PRKD1: variants seen among roughly 807,000 people sequenced by gnomAD.
The protein encoded by PRKD1 is serine/threonine-protein kinase D1.
Under a neutral mutation model 95.9 loss-of-function variants are expected in PRKD1, and 63 were observed. The ratio of observed to expected loss-of-function variants is 0.66; its 90% confidence interval spans 0.54 to 0.81. The LOEUF is 0.81. Ranked by LOEUF, PRKD1 falls within the 30% of genes least tolerant of loss-of-function variation. The probability of loss-of-function intolerance (pLI) is 0.00; values close to 1 mark genes in which losing one functional copy is unlikely to be tolerated. For missense variants in PRKD1, 1,048 were observed against 1,165.3 expected, an observed-to-expected ratio of 0.90 and a Z score of 1.47; for synonymous variants, 425 against 423.1, an observed-to-expected ratio of 1.00 and a Z score of -0.05.
chr14:29,805,903 C>T (rs1316545568), intron 1 of PRKD1, among the ~76,000 whole-genome samples: 1 of 152,084 alleles, frequency 6.6e-6, no homozygotes, highest in East Asian at 1.9e-4. Context: ...GAGAAGAAAA[C>T]TTAAGTTATG....
intron 11 of PRKD1, among the ~76,000 whole-genome samples, chr14:29,627,922 G>T (rs1879731617): frequency 6.6e-6 from 1 of 152,150 alleles, no homozygotes; most frequent in Non-Finnish European, 1.5e-5. Context: ...TAAGAGAAGT[G>T]TTCTTTAGGC....
intron 9 of PRKD1, 137 bp from the exon 10 acceptor site, chr14:29,631,158 A>G: frequency 1.2e-6 from 1 of 864,132 alleles, no homozygotes; most frequent in Non-Finnish European, 1.7e-6. Context: ...ACTATAAAAC[A>G]CAGAATACTG....
chr14:29,814,396 G>A (rs553587612), intron 1 of PRKD1, among the ~76,000 whole-genome samples: 7 of 152,290 alleles, frequency 4.6e-5, no homozygotes, highest in South Asian at 2.1e-4. Context: ...AGGCAGGAGC[G>A]CAGTGCTGGC....
At chr14:29,714,564 T>A (rs2972695) in intron 2 of PRKD1, among the ~76,000 whole-genome samples, 7,510 of 152,224 alleles carry the variant, frequency 0.049, 222 homozygotes, top group East Asian at 0.094. Flanking sequence ...TCCTCAAGGA[T>A]CTAGAACTAG....
rs571079238 is a variant in PRKD1, at chr14:29,774,739, G to A, written c.265-49065C>T. On this transcript the variant is annotated intron_variant, in intron 1 of 17. Transcript: ENST00000331968. The stretch of plus-strand genomic sequence containing the variant: ...AAAGAGGAGGAAACTATGCTTTGGG[G>A]AAATGAAGTACCTTATTCATGGTCA... Among the ~76,000 whole-genome samples the A allele has an allele frequency of 2.3e-4, 34 of 146,664 alleles. No homozygotes were observed. In the South Asian group the frequency reaches 7.3e-3, roughly 32 times the overall value.
rs34636619 is a variant in PRKD1, at chr14:29,618,781, G to GA, written c.1905+5370dup. ...TAAGTTATATAGAGAAAATGAAATGGAAAAAAAAAAAAGGAGAGCTGTACC... is the reference window on the plus strand; with the variant it reads ...TAAGTTATATAGAGAAAATGAAATGGAAAAAAAAAAAAAGGAGAGCTGTACC... On this transcript the variant is annotated intron_variant, in intron 13 of 17. Transcript: ENST00000331968. Among the ~76,000 whole-genome samples, 217 of 145,360 alleles carry GA rather than the reference G, an allele frequency of 1.5e-3. 2 individuals are homozygous for GA. The highest frequency in any genetic ancestry group is 3.5e-3 in the Middle Eastern group (1 of 282).
chr14:29,766,119 G>A (rs2139127278), intron 1 of PRKD1, among the ~76,000 whole-genome samples: 1 of 152,130 alleles, frequency 6.6e-6, no homozygotes, highest in Non-Finnish European at 1.5e-5. Context: ...GAGAAGGAGA[G>A]GAGAAAGACA....
At chr14:29,600,669 C>T (rs896878018) in intron 13 of PRKD1, among the ~76,000 whole-genome samples, 2 of 152,086 alleles carry the variant, frequency 1.3e-5, no homozygotes, top group African/African-American at 2.4e-5. Context: ...ATATGTGGTG[C>T]GGTGGTTCTG....
chr14:29,826,817 A>ATC (rs1891194548), intron 1 of PRKD1, among the ~76,000 whole-genome samples: 1 of 27,066 alleles, frequency 3.7e-5, no homozygotes, highest in Non-Finnish European at 6.7e-5. Context: ...ATATATACAC[A>ATC]TATATATATA....
chr14:29,719,724 T>A (rs1594456814), intron 2 of PRKD1, among the ~76,000 whole-genome samples: 1 of 152,210 alleles, frequency 6.6e-6, no homozygotes, highest in Non-Finnish European at 1.5e-5. Context: ...AAACCTGTGA[T>A]ATTATGTAAG....
intron 1 of PRKD1, among the ~76,000 whole-genome samples, chr14:29,839,366 C>T (rs1312046324): frequency 6.6e-6 from 1 of 152,194 alleles, no homozygotes; most frequent in Non-Finnish European, 1.5e-5. Flanking sequence ...CATGGTACCA[C>T]CAGTACTATC....
chr14:29,644,888 T>A (rs528929909), intron 4 of PRKD1, among the ~76,000 whole-genome samples: 1 of 152,074 alleles, frequency 6.6e-6, no homozygotes, highest in Admixed American at 6.6e-5. Context: ...CTATACATTT[T>A]ATACAACTAT....
At chr14:29,826,436 A>G (rs1891116635) in intron 1 of PRKD1, among the ~76,000 whole-genome samples, 1 of 99,028 alleles carries the variant, frequency 1.0e-5, no homozygotes, top group Non-Finnish European at 1.9e-5. Context: ...ATATGATGGA[A>G]TATATATATA....
chr14:29,791,501 C>T (rs1176166385), intron 1 of PRKD1, among the ~76,000 whole-genome samples: 2 of 152,146 alleles, frequency 1.3e-5, no homozygotes, highest in South Asian at 2.1e-4. Flanking sequence ...CCCGTCAATT[C>T]CAGACAACCA....
chr14:29,622,693 T>A lies in PRKD1; in HGVS notation c.1905+1459A>T, dbSNP rs4981052. ...GCTAGGATTACAGGCGTGAGCCATCTCGGCCGGCCTTATTTTATTTTTCTA... is the reference window on the plus strand; with the variant it reads ...GCTAGGATTACAGGCGTGAGCCATCACGGCCGGCCTTATTTTATTTTTCTA... On this transcript the variant is annotated intron_variant, in intron 13 of 17. Coordinates refer to ENST00000331968, the MANE Select transcript of PRKD1 (RefSeq NM_002742.3). Among the ~76,000 whole-genome samples, 3 of 152,268 alleles carry A rather than the reference T, an allele frequency of 2.0e-5. No individual in the cohort carries two copies. The East Asian group carries it at 5.8e-4, about 30-fold the overall frequency.
intron 2 of PRKD1, among the ~76,000 whole-genome samples, chr14:29,702,045 A>G (rs1258960491): frequency 6.6e-6 from 1 of 152,122 alleles, no homozygotes; most frequent in Non-Finnish European, 1.5e-5. Context: ...GAAGAACTAA[A>G]ATGTTTATGT....
intron 4 of PRKD1, 98 bp downstream of exon 4, chr14:29,663,601 T>C: frequency 7.3e-7 from 1 of 1,377,244 alleles, no homozygotes; most frequent in South Asian, 1.3e-5. Flanking sequence ...CCTGGCTGCA[T>C]TCTCCCTCCT....
At chr14:29,914,161 G>A (rs1178543583) in intron 1 of PRKD1, among the ~76,000 whole-genome samples, 2 of 152,154 alleles carry the variant, frequency 1.3e-5, no homozygotes, top group Non-Finnish European at 2.9e-5. Context: ...CTACATTTTT[G>A]TAAAGTTTGA....
At chr14:29,887,768 A>G (rs749609185) in intron 1 of PRKD1, among the ~76,000 whole-genome samples, 1 of 152,208 alleles carries the variant, frequency 6.6e-6, no homozygotes, top group African/African-American at 2.4e-5. Context: ...TATTCAGTGC[A>G]GTAATGTGCT....
Sources: gnomAD v4.1 joint callset for allele counts (sites outside exome capture counted in the v4.1 genomes callset) on GRCh38, gnomAD v4.1.1 for gene constraint, MANE v1.5 for transcripts, NCBI Gene and HGNC (gene_info 2026-07-23, HGNC 2026-07-21) for gene names.